Variants in PDE3A observed in about 807,000 individuals in gnomAD.
The protein encoded by PDE3A is phosphodiesterase 3A.
A neutral mutation model predicts 98.3 loss-of-function variants in PDE3A; 43 were observed. That is an observed-to-expected ratio of 0.44 (90% confidence interval 0.34 to 0.56). The LOEUF is 0.56. PDE3A is among the 20% of genes least tolerant of loss of function. The probability of loss-of-function intolerance (pLI) is 0.01; values close to 1 mark genes in which losing one functional copy is unlikely to be tolerated. For synonymous variants in PDE3A, 663 were observed against 567.9 expected, an observed-to-expected ratio of 1.17 and a Z score of -2.38; for missense variants, 1,427 against 1,440.7, an observed-to-expected ratio of 0.99 and a Z score of 0.15.
intron 1 of PDE3A, among the ~76,000 whole-genome samples, chr12:20,422,250 G>GCA (rs758157657): frequency 2.3e-4 from 35 of 152,084 alleles, no homozygotes; most frequent in South Asian, 8.3e-4. Context: ...GGAGGCTGAG[G>GCA]GGAGAATGGC....
At chr12:20,648,026 A>C (rs889372395) in intron 12 of PDE3A, among the ~76,000 whole-genome samples, 3 of 151,818 alleles carry the variant, frequency 2.0e-5, no homozygotes, top group Non-Finnish European at 4.4e-5. Context: ...TTTTAAAAAA[A>C]AATTCTCTAA....
intron 5 of PDE3A, among the ~76,000 whole-genome samples, chr12:20,623,800 T>TGTATTCTAGAAAGAATTTATGATGGAC (rs1944195878): frequency 6.6e-6 from 1 of 152,078 alleles, no homozygotes; most frequent in Non-Finnish European, 1.5e-5. Flanking sequence ...TTATGATGGA[T>TGTATTCTAGAAAGAATTTATGATGGAC]GTATTCTAGA....
At chr12:20,520,870 ACCC>A (rs1194420201) in intron 1 of PDE3A, among the ~76,000 whole-genome samples, 4 of 152,188 alleles carry the variant, frequency 2.6e-5, no homozygotes, top group Non-Finnish European at 5.9e-5. Context: ...GTACTTGGCA[ACCC>A]ACTTGGGACT....
At chr12:20,418,425 T>C (rs11045229) in intron 1 of PDE3A, among the ~76,000 whole-genome samples, 60,882 of 151,978 alleles carry the variant, frequency 0.4, 13,831 homozygotes, top group East Asian at 0.59. Flanking sequence ...TGCACCAGAT[T>C]TGGTGGTAGG....
chr12:20,408,257 C>A (rs1371238814), intron 1 of PDE3A, among the ~76,000 whole-genome samples: 1 of 152,088 alleles, frequency 6.6e-6, no homozygotes, highest in Non-Finnish European at 1.5e-5. Context: ...TTAGAAAAAT[C>A]ATGTATTATA....
intron 1 of PDE3A, among the ~76,000 whole-genome samples, chr12:20,539,149 T>A (rs960778528): frequency 2.0e-5 from 3 of 152,058 alleles, no homozygotes; most frequent in Admixed American, 2.0e-4. Context: ...GGACCAAAAC[T>A]GTTTGGAGTT....
intron 2 of PDE3A, among the ~76,000 whole-genome samples, chr12:20,604,556 A>G (rs1389621648): frequency 6.6e-6 from 1 of 152,194 alleles, no homozygotes; most frequent in Non-Finnish European, 1.5e-5. Flanking sequence ...ATGTTAATGA[A>G]TAGCTTTAAC....
rs1180426440 is a variant in PDE3A, at chr12:20,385,992, TAA to T, written c.960+15751_960+15752del. On this transcript the variant is annotated intron_variant, in intron 1 of 15. Coordinates refer to ENST00000359062, the MANE Select transcript of PDE3A (RefSeq NM_000921.5). ...ATTAATTATTAATATATAATATATATAAAATATATATATAAATATATATAAAA... is the reference window on the plus strand; with the variant it reads ...ATTAATTATTAATATATAATATATATAATATATATATAAATATATATAAAA... Among the ~76,000 whole-genome samples the T allele has an allele frequency of 1.5e-3, 155 of 102,968 alleles. 9 individuals are homozygous for T. Among genetic ancestry groups the T allele is most frequent in the Middle Eastern group, 0.012 (3 of 250 alleles). 67.6% of individuals were successfully genotyped at this position (102,968 alleles called of 152,430 possible).
chr12:20,587,297 A>G (rs1035432269), intron 2 of PDE3A, among the ~76,000 whole-genome samples: 2 of 152,166 alleles, frequency 1.3e-5, no homozygotes, highest in African/African-American at 4.8e-5. Flanking sequence ...TGAACGCGGG[A>G]GGCAGAGGTT....
rs1257090709 is a variant in PDE3A, at chr12:20,672,379, C to T, written c.3185-7651C>T. 9.2e-5 allele frequency among the ~76,000 whole-genome samples: 8 copies of T among 86,518 alleles called. No individual in the cohort carries two copies. In the South Asian group the frequency reaches 2.2e-3, roughly 24 times the overall value. 56.8% of individuals were successfully genotyped at this position (86,518 alleles called of 152,430 possible). A position where few individuals can be genotyped will look rare whatever the true frequency, so the allele number is the denominator to read the frequency against. On this transcript the variant is annotated intron_variant, in intron 15 of 15. Coordinates refer to ENST00000359062, the MANE Select transcript of PDE3A (RefSeq NM_000921.5). ...GTTCATATGGAACCAAAAAAGAGCC[C>T]GCATCGCCAAGTCAATCCTAAGCCA...
At chr12:20,659,668 G>A (rs546996909) in intron 15 of PDE3A, among the ~76,000 whole-genome samples, 154 of 152,190 alleles carry the variant, frequency 1.0e-3, no homozygotes, top group African/African-American at 3.4e-3. Context: ...AACCCCTGAC[G>A]TCAAGTGATC....
chr12:20,656,094 A>G (rs1004717425), intron 15 of PDE3A, among the ~76,000 whole-genome samples: 1 of 152,192 alleles, frequency 6.6e-6, no homozygotes, highest in Non-Finnish European at 1.5e-5. Flanking sequence ...CCTTGCAATG[A>G]TATTGCACAA....
intron 2 of PDE3A, among the ~76,000 whole-genome samples, chr12:20,564,222 A>G (rs889385790): frequency 6.6e-6 from 1 of 152,130 alleles, no homozygotes; most frequent in Non-Finnish European, 1.5e-5. Flanking sequence ...CCAAACTGTG[A>G]TAAGAAAAAT....
intron 2 of PDE3A, among the ~76,000 whole-genome samples, chr12:20,593,175 A>G (rs1943381023): frequency 6.6e-6 from 1 of 152,226 alleles, no homozygotes; most frequent in African/African-American, 2.4e-5. Context: ...TTGATAATCA[A>G]TACTAAATAA....
At chr12:20,498,279 C>CA (rs1443913428) in intron 1 of PDE3A, among the ~76,000 whole-genome samples, 1 of 152,018 alleles carries the variant, frequency 6.6e-6, no homozygotes, top group Non-Finnish European at 1.5e-5. Flanking sequence ...CGCCCACCCC[C>CA]CCAACTGAAG....
At chr12:20,384,920 C>G (rs920969809) in intron 1 of PDE3A, among the ~76,000 whole-genome samples, 5 of 152,074 alleles carry the variant, frequency 3.3e-5, no homozygotes, top group African/African-American at 9.7e-5. Context: ...TTTTCTTTAT[C>G]TAGTCTATCG....
Position 20,369,580 on chromosome 12 carries a change from A to G in PDE3A, c.296A>G (p.Glu99Gly). The G allele has an allele frequency of 1.3e-6, 2 of 1,554,624 alleles. No homozygotes were observed. Among genetic ancestry groups the G allele is most frequent in the Non-Finnish European group, 1.7e-6 (2 of 1,150,882 alleles). The change falls in exon 1 of 16, where the codon GAG becomes GGG. Residue 99 changes from glutamate to glycine, a missense_variant. Glu to Gly is a moderately conservative substitution (Grantham distance 98, BLOSUM62 -2). Around this residue, in one of 3 missense-constraint regions of PDE3A, gnomAD observed 1,012 missense variants for 886.5 expected, o/e 1.14. Transcript: ENST00000359062. ...LEQCKEAAAA[E>G]EEEAAPGAEG... ...CAGTGTAAGGAGGCGGCGGCGGCGG[A>G]GGAGGAGGAAGCAGCCCCGGGAGCA...
At chr12:20,553,080 T>G in intron 1 of PDE3A, 1 of 915,004 alleles carries the variant, frequency 1.1e-6, no homozygotes. Flanking sequence ...GGCACTGATT[T>G]TGTTCTTAGT....
At chr12:20,511,623 TG>T (rs1306665368) in intron 1 of PDE3A, among the ~76,000 whole-genome samples, 1 of 152,164 alleles carries the variant, frequency 6.6e-6, no homozygotes, top group Admixed American at 6.6e-5. Flanking sequence ...GCTAAATAGC[TG>T]TCTCTTATGT....
Sources: allele counts gnomAD v4.1 joint callset (sites outside exome capture counted in the v4.1 genomes callset), GRCh38; gene constraint gnomAD v4.1.1; regional missense constraint gnomAD v4.1.1; transcripts MANE v1.5; gene names NCBI Gene and HGNC (gene_info 2026-07-23, HGNC 2026-07-21).